DSTYK: variants seen among roughly 807,000 people sequenced by gnomAD.
DSTYK encodes RIP-homologous kinase.
Under a neutral mutation model 98.7 loss-of-function variants are expected in DSTYK, and 34 were observed. The ratio of observed to expected loss-of-function variants is 0.34; its 90% CI spans 0.26 to 0.46. The LOEUF (loss-of-function observed/expected upper bound fraction) is 0.46. Ranked by LOEUF, DSTYK falls within the 20% of genes least tolerant of loss-of-function variation. The pLI is 1.00. For missense variants in DSTYK, 962 were observed against 1,181.7 expected (o/e 0.81, Z 2.73); for synonymous variants, 462 against 457.3 (o/e 1.01, Z -0.13).
rs939944869 is a variant in DSTYK, at chr1:205,147,593, C to G, written c.2755G>C (p.Glu919Gln). 5.0e-6 allele frequency: 8 copies of G among 1,612,952 alleles called. No homozygotes were observed. Among genetic ancestry groups the G allele is most frequent in the Admixed American group, 1.7e-5 (1 of 60,008 alleles). Residue 919 changes from glutamate to glutamine, a missense_variant, in exon 13 of 13, where the codon GAG becomes CAG. Coordinates refer to ENST00000367162, the MANE Select transcript of DSTYK (RefSeq NM_015375.3). ...IMNRLCKSNS[E>Q]QPNRGLDDST Reference sequence around the variant, plus strand: ...TCATCTAGTCCTCTGTTTGGCTGCTCAGAATTGGACTTGCAGAGCCGATTC... The same window carrying G: ...TCATCTAGTCCTCTGTTTGGCTGCTGAGAATTGGACTTGCAGAGCCGATTC...
In DSTYK at chr1:205,148,286, T is replaced by C. The variant is rs747601342; in HGVS notation, c.2521A>G (p.Ile841Val). ...VYAFGILFWYICSGSVKLPEA... is the reference protein window; with the variant it reads ...VYAFGILFWYVCSGSVKLPEA... ...GGGAGCTTGACAGAGCCTGAGCAGA[T>C]ATACCAGAAAAGAATTCCAAAAGCG... The change falls in exon 12 of 13, where the codon ATC (isoleucine) becomes GTC (valine). Residue 841 changes from isoleucine (I) to valine (V), a missense_variant. Around this residue, in one of 4 missense-constraint regions of DSTYK, gnomAD observed 69 missense variants for 142.9 expected, o/e 0.48. Transcript: ENST00000367162. 1.9e-6 allele frequency: 3 copies of C among 1,614,118 alleles called. No homozygotes were observed. Among genetic ancestry groups the C allele is most frequent in the Non-Finnish European group, 2.5e-6 (3 of 1,180,014 alleles).
In DSTYK at chr1:205,157,302, G is replaced by C; in HGVS notation, c.2323C>G (p.His775Asp). 6.2e-7 allele frequency: 1 copy of C among 1,614,016 alleles called. No homozygotes were observed. The highest frequency in any genetic ancestry group is 8.5e-7 in the Non-Finnish European group (1 of 1,179,972). The change falls in exon 10 of 13, where the codon CAT becomes GAT. Residue 775 changes from histidine (H) to aspartate (D), a missense_variant. Around this residue, in one of 4 missense-constraint regions of DSTYK, gnomAD observed 69 missense variants for 142.9 expected, o/e 0.48. Coordinates refer to ENST00000367162, the MANE Select transcript of DSTYK (RefSeq NM_015375.3). ...IRFLHSQGLV[H>D]RDIKLKNVLL... is the part of the protein sequence containing the mutation. ...ACATTTTTCAGTTTGATATCACGAT[G>C]GACAAGTCCCTGGCTGTGCAGGAAG... is the stretch of plus-strand genomic sequence containing the variant.
intron 7 of DSTYK, 90 bp downstream of exon 7, chr1:205,161,168 T>G: frequency 6.6e-7 from 1 of 1,524,442 alleles, no homozygotes; most frequent in Non-Finnish European, 8.9e-7. Flanking sequence ...AAGAAGCAGC[T>G]TTAGACACTA....
chr1:205,151,968 T>A (rs1657418031), intron 10 of DSTYK, among the ~76,000 whole-genome samples: 1 of 152,114 alleles, frequency 6.6e-6, no homozygotes, highest in Non-Finnish European at 1.5e-5. Flanking sequence ...CTAAAAGGTA[T>A]GAAAAGATAA....
rs765003792 is a variant in DSTYK at position 205,166,380 on chromosome 1, G to A, written c.1325-2425C>T. On this transcript the variant is annotated intron_variant, in intron 3 of 12. Transcript: ENST00000367162. ...AGTAATCTGGCTCAACGCTGGGCAC[G>A]ATGGCTCATACCTGTAATCCTAGCA... Among the ~76,000 whole-genome samples the A allele has an allele frequency of 9.2e-5, 14 of 151,790 alleles. No homozygotes were observed. In the East Asian group the frequency reaches 1.7e-3, roughly 19 times the overall value.
intron 2 of DSTYK, 22 bp downstream of exon 2, chr1:205,187,390 AATTGGT>A (rs755531333): frequency 1.3e-6 from 2 of 1,571,800 alleles, no homozygotes; most frequent in Non-Finnish European, 1.7e-6. Flanking sequence ...ATATGTATAC[AATTGGT>A]ATAGAAGTAT....
Position 205,153,867 on chromosome 1 carries a change from C to CTTT in DSTYK, c.2353-3076_2353-3074dup, listed in dbSNP as rs771169377. Among the ~76,000 whole-genome samples the CTTT allele has an allele frequency of 6.8e-4, 90 of 132,658 alleles. 1 individual carries two copies. Among genetic ancestry groups the CTTT allele is most frequent in the East Asian group, 2.0e-3 (9 of 4,468 alleles). The allele number at this position is 132,658 out of a possible 152,430, so 87.0% of individuals were successfully genotyped here. A position where few individuals can be genotyped will look rare whatever the true frequency, so the allele number is the denominator to read the frequency against. ...TACAGGCATGCACACGCCTGGCTAA[C>CTTT]TTTTTTTTTTTTTTTTTTGTATTTT... is the stretch of plus-strand genomic sequence containing the variant. On this transcript the variant is annotated intron_variant, in intron 10 of 12. Coordinates refer to ENST00000367162, the MANE Select transcript of DSTYK (RefSeq NM_015375.3).
chr1:205,178,447 A>G (rs1476474225), intron 2 of DSTYK, among the ~76,000 whole-genome samples: 1 of 152,150 alleles, frequency 6.6e-6, no homozygotes, highest in East Asian at 1.9e-4. Flanking sequence ...GAGAGAGACA[A>G]AATATTTTCT....
intron 1 of DSTYK, among the ~76,000 whole-genome samples, chr1:205,200,068 G>A (rs1658981615): frequency 1.3e-5 from 2 of 151,844 alleles, no homozygotes; most frequent in South Asian, 2.1e-4. Flanking sequence ...ACAGAGTCTC[G>A]CTCTGTCACC....
chr1:205,148,288 T>C lies in DSTYK; in HGVS notation c.2519A>G (p.Tyr840Cys), dbSNP rs1308806650. The change falls in exon 12 of 13, where the codon TAT becomes TGT. Residue 840 changes from tyrosine (Y) to cysteine (C), a missense_variant. Around this residue, in one of 4 missense-constraint regions of DSTYK, gnomAD observed 69 missense variants for 142.9 expected, o/e 0.48. Coordinates refer to ENST00000367162, the MANE Select transcript of DSTYK (RefSeq NM_015375.3). ...DVYAFGILFW[Y>C]ICSGSVKLPE... ...GAGCTTGACAGAGCCTGAGCAGATA[T>C]ACCAGAAAAGAATTCCAAAAGCGTA... 2.5e-6 allele frequency: 4 copies of C among 1,614,102 alleles called. No homozygotes were observed. Among genetic ancestry groups the C allele is most frequent in the Non-Finnish European group, 3.4e-6 (4 of 1,179,978 alleles).
rs1657583337 is a variant in DSTYK, at chr1:205,157,046, TAA to T, written c.2352+225_2352+226del. Among the ~76,000 whole-genome samples, 3 of 152,338 alleles carry T rather than the reference TAA, an allele frequency of 2.0e-5. No homozygotes were observed. In the East Asian group the frequency reaches 5.8e-4, roughly 29 times the overall value. ...TGTTTATTTCCCCTTCCACCATAAC[TAA>T]AAGTTTCCTGAGGCCTCTCCAACCC... is the stretch of plus-strand genomic sequence containing the variant. On this transcript the variant is annotated intron_variant, in intron 10 of 12. Transcript: ENST00000367162.
chr1:205,194,546 T>TA (rs1658805354), intron 1 of DSTYK, among the ~76,000 whole-genome samples: 1 of 28,134 alleles, frequency 3.6e-5, no homozygotes, highest in African/African-American at 3.3e-4. Context: ...AAATCTCACT[T>TA]TTTTTTTTTT....
intron 1 of DSTYK, among the ~76,000 whole-genome samples, chr1:205,201,468 A>G (rs1228743101): frequency 6.7e-6 from 1 of 150,346 alleles, no homozygotes; most frequent in Non-Finnish European, 1.5e-5. Context: ...AATGCATATC[A>G]TTGTTCTTTT....
intron 1 of DSTYK, among the ~76,000 whole-genome samples, chr1:205,208,561 C>A (rs1193724910): frequency 2.6e-5 from 4 of 152,118 alleles, no homozygotes; most frequent in African/African-American, 9.7e-5. Context: ...TCCTATTAAT[C>A]AGAGACTAAC....
At chr1:205,166,139 A>G (rs748603180) in intron 3 of DSTYK, among the ~76,000 whole-genome samples, 7 of 152,250 alleles carry the variant, frequency 4.6e-5, no homozygotes, top group Non-Finnish European at 1.0e-4. Flanking sequence ...ATTTGTATGA[A>G]TATTTATGGA....
chr1:205,166,471 CA>C (rs34123378), intron 3 of DSTYK, among the ~76,000 whole-genome samples: 2,790 of 131,040 alleles, frequency 0.021, 61 homozygotes, highest in African/African-American at 0.065. Flanking sequence ...CTCGTCTTTA[CA>C]AAAAAAAAAA....
In DSTYK at chr1:205,163,729, G is replaced by T; in HGVS notation, c.1551C>A (p.Leu517=). 1 of 1,612,870 alleles carries T rather than the reference G, an allele frequency of 6.2e-7. No homozygotes were observed. The highest frequency in any genetic ancestry group is 1.1e-5 in the South Asian group (1 of 90,922). ...AAAATCATTCTTTGTCTACCTGTTTGAGATAATTACTGGTGATGTGAACTG... is the reference window on the plus strand; with the variant it reads ...AAAATCATTCTTTGTCTACCTGTTTTAGATAATTACTGGTGATGTGAACTG... ...DVSVHITSNY[L]KQILNAAYHV... The change falls in exon 4 of 13, where the codon CTC becomes CTA. Residue 517 remains leucine (L), a synonymous_variant. Transcript: ENST00000367162.
Position 205,209,656 on chromosome 1 carries a change from T to TCA in DSTYK, c.265+1614_265+1615insTG, listed in dbSNP as rs1376319732. 2.4e-4 allele frequency among the ~76,000 whole-genome samples: 11 copies of TCA among 45,648 alleles called. 3 individuals carry two copies. Among genetic ancestry groups the TCA allele is most frequent in the East Asian group, 1.9e-3 (2 of 1,048 alleles). The allele number at this position is 45,648 out of a possible 152,430, so 29.9% of individuals were successfully genotyped here. A position where few individuals can be genotyped will look rare whatever the true frequency, so the allele number is the denominator to read the frequency against. On this transcript the variant is annotated intron_variant, in intron 1 of 12. Transcript: ENST00000367162. ...GACTAGTTTTTCTGAAACTACTAGTTTTTCTGATACTGTCATGATCTTAGT... is the reference window on the plus strand; with the variant it reads ...GACTAGTTTTTCTGAAACTACTAGTTCATTTCTGATACTGTCATGATCTTAGT...
At chr1:205,147,852 G>A in intron 12 of DSTYK, 107 bp from the exon 13 acceptor site, 1 of 1,147,330 alleles carries the variant, frequency 8.7e-7, no homozygotes, top group Non-Finnish European at 1.2e-6. Context: ...AGAATACTAA[G>A]AATGCAAGGA....
Sources: gnomAD v4.1 joint callset for allele counts (sites outside exome capture counted in the v4.1 genomes callset) on GRCh38, gnomAD v4.1.1 for gene constraint, gnomAD v4.1.1 regional missense constraint, MANE v1.5 for transcripts, NCBI Gene and HGNC (gene_info 2026-07-23, HGNC 2026-07-21) for gene names.